GABRB1: variants seen among roughly 807,000 people sequenced by gnomAD.
The protein encoded by GABRB1 is gamma-aminobutyric acid type A receptor subunit beta1.
In GABRB1, 17 loss-of-function variants were observed where a neutral mutation model predicts 51.6. The observed-to-expected ratio is 0.33, with a 90% CI of 0.23 to 0.49. GABRB1 has a LOEUF of 0.49. Ranked by LOEUF, GABRB1 falls within the 20% of genes least tolerant of loss-of-function variation. The probability of loss-of-function intolerance (pLI) is 0.99; values close to 1 mark genes in which losing one functional copy is unlikely to be tolerated. For missense variants in GABRB1, 410 were observed against 600.6 expected (o/e 0.68, Z 3.32); for synonymous variants, 247 against 218.9 (o/e 1.13, Z -1.14).
At position 47,152,720 on chromosome 4, in the gene GABRB1, A is replaced by G. The variant is rs182875342; in HGVS notation, c.241-8529A>G. On this transcript the variant is annotated intron_variant, in intron 3 of 8. Coordinates refer to ENST00000295454, the MANE Select transcript of GABRB1 (RefSeq NM_000812.4). The stretch of plus-strand genomic sequence containing the variant: ...ATGAATTAGCCATCTTCAGCCCCCA[A>G]TCTTCAACTCTTCTTATCGTAGTCT... 1.8e-3 allele frequency among the ~76,000 whole-genome samples: 281 copies of G among 151,976 alleles called. 2 individuals carry two copies. Among genetic ancestry groups the G allele is most frequent in the African/African-American group, 5.6e-3 (232 of 41,490 alleles).
chr4:46,997,142 A>G (rs572102188), intron 1 of GABRB1, among the ~76,000 whole-genome samples: 2 of 152,224 alleles, frequency 1.3e-5, no homozygotes, highest in South Asian at 2.1e-4. Flanking sequence ...TTACCTGTAT[A>G]CCAGCCTACT....
At chr4:47,311,448 T>G (rs1403639189) in intron 4 of GABRB1, among the ~76,000 whole-genome samples, 3 of 149,960 alleles carry the variant, frequency 2.0e-5, no homozygotes, top group Non-Finnish European at 4.4e-5. Flanking sequence ...GTCGATTATC[T>G]TGGAATATCT....
intron 5 of GABRB1, among the ~76,000 whole-genome samples, chr4:47,350,247 T>G (rs1449096546): frequency 3.2e-5 from 3 of 93,576 alleles, no homozygotes; most frequent in African/African-American, 4.4e-5. Context: ...AGAGAGAGGT[T>G]TTAAGGCATT....
At chr4:47,271,121 T>G (rs1404591072) in intron 4 of GABRB1, among the ~76,000 whole-genome samples, 1 of 152,136 alleles carries the variant, frequency 6.6e-6, no homozygotes, top group Admixed American at 6.6e-5. Context: ...ATAAATAATA[T>G]AGAAAATGCA....
intron 3 of GABRB1, among the ~76,000 whole-genome samples, chr4:47,061,991 A>G (rs1726864250): frequency 1.3e-5 from 2 of 152,176 alleles, no homozygotes; most frequent in South Asian, 2.1e-4. Context: ...AAGATAGATC[A>G]GTGTCATATT....
intron 3 of GABRB1, among the ~76,000 whole-genome samples, chr4:47,055,152 G>T (rs557890243): frequency 6.6e-6 from 1 of 152,190 alleles, no homozygotes; most frequent in Non-Finnish European, 1.5e-5. Flanking sequence ...ATCAACCAGG[G>T]AAAATAAGAC....
chr4:47,296,536 A>T (rs1448658756), intron 4 of GABRB1, among the ~76,000 whole-genome samples: 1 of 152,218 alleles, frequency 6.6e-6, no homozygotes, highest in Admixed American at 6.5e-5. Context: ...TGGTAAAGGG[A>T]TCAATTCAAC....
At chr4:47,164,879 G>A (rs1390229364) in intron 4 of GABRB1, among the ~76,000 whole-genome samples, 1 of 151,996 alleles carries the variant, frequency 6.6e-6, no homozygotes, top group East Asian at 1.9e-4. Flanking sequence ...ACAGATATTC[G>A]GCCCTTGGGA....
chr4:47,209,838 T>C lies in GABRB1; in HGVS notation c.461+48369T>C, dbSNP rs571732864. On this transcript the variant is annotated intron_variant, in intron 4 of 8. Transcript: ENST00000295454. ...TGTACAGTTTGTGACTAGTAAGATA[T>C]TCAGTGGGTCAGTCTGCCTGTGTAG... Among the ~76,000 whole-genome samples, 10 of 152,264 alleles carry C rather than the reference T, an allele frequency of 6.6e-5. No individual in the cohort carries two copies. The East Asian group carries it at 1.9e-3, about 29-fold the overall frequency.
chr4:47,279,130 GGA>G (rs1723189047), intron 4 of GABRB1, among the ~76,000 whole-genome samples: 2 of 140,868 alleles, frequency 1.4e-5, no homozygotes, highest in East Asian at 2.2e-4. Flanking sequence ...ATGGATGGAT[GGA>G]TAGATGGATG....
chr4:47,084,359 CT>C lies in GABRB1; in HGVS notation c.240+51876del, dbSNP rs1020608650. Among the ~76,000 whole-genome samples the C allele has an allele frequency of 4.6e-5, 7 of 152,270 alleles. 1 individual carries two copies. Among genetic ancestry groups the C allele is most frequent in the Admixed American group, 4.6e-4 (7 of 15,288 alleles). ...CTTATCACCACAGAATGGGTTAAGCCTGGTTATTGTCTACCCTCACAAATAC... is the reference window on the plus strand; with the variant it reads ...CTTATCACCACAGAATGGGTTAAGCCGGTTATTGTCTACCCTCACAAATAC... On this transcript the variant is annotated intron_variant, in intron 3 of 8. Coordinates refer to ENST00000295454, the MANE Select transcript of GABRB1 (RefSeq NM_000812.4).
rs573751140 is a variant in GABRB1 at position 47,070,390 on chromosome 4, G to T, written c.240+37906G>T. Among the ~76,000 whole-genome samples, 4 of 151,078 alleles carry T rather than the reference G, an allele frequency of 2.6e-5. No individual in the cohort carries two copies. The South Asian group carries it at 8.4e-4, about 32-fold the overall frequency. ...CTTTTTGCCCAGGCTAGAGTGCAAT[G>T]GTGTGGTCTCACCTGACTGCAACCT... On this transcript the variant is annotated intron_variant, in intron 3 of 8. Coordinates refer to ENST00000295454, the MANE Select transcript of GABRB1 (RefSeq NM_000812.4).
chr4:47,021,791 C>T (rs533884486), intron 1 of GABRB1, among the ~76,000 whole-genome samples: 1 of 152,122 alleles, frequency 6.6e-6, no homozygotes, highest in South Asian at 2.1e-4. Flanking sequence ...TGACCCACTA[C>T]AAGTTACTTT....
At chr4:47,003,707 T>C (rs981493600) in intron 1 of GABRB1, among the ~76,000 whole-genome samples, 2 of 152,222 alleles carry the variant, frequency 1.3e-5, no homozygotes, top group African/African-American at 4.8e-5. Context: ...ATGATTTTCC[T>C]AAGTTTCTGT....
chr4:47,074,172 T>G (rs1034447248), intron 3 of GABRB1, among the ~76,000 whole-genome samples: 13 of 152,154 alleles, frequency 8.5e-5, no homozygotes, highest in African/African-American at 3.1e-4. Context: ...ATGCTTTTCA[T>G]ATAGAAAAAA....
At chr4:47,161,588 T>C in intron 4 of GABRB1, 119 bp downstream of exon 4, 1 of 740,576 alleles carries the variant, frequency 1.4e-6, no homozygotes, top group Non-Finnish European at 2.2e-6. Flanking sequence ...AAATGGGGTG[T>C]CATATACTTA....
chr4:47,090,449 C>T (rs1210489868), intron 3 of GABRB1, among the ~76,000 whole-genome samples: 1 of 152,102 alleles, frequency 6.6e-6, no homozygotes, highest in Non-Finnish European at 1.5e-5. Flanking sequence ...GAAAATCACT[C>T]AAATTTAAAC....
intron 4 of GABRB1, among the ~76,000 whole-genome samples, chr4:47,176,785 C>T (rs1718721133): frequency 6.6e-6 from 1 of 152,076 alleles, no homozygotes; most frequent in Non-Finnish European, 1.5e-5. Flanking sequence ...TAGCCTTGGA[C>T]CATTCATTCT....
intron 4 of GABRB1, among the ~76,000 whole-genome samples, chr4:47,294,221 G>A (rs1164170633): frequency 6.6e-6 from 1 of 152,146 alleles, no homozygotes; most frequent in Non-Finnish European, 1.5e-5. Flanking sequence ...GAGGTACTGG[G>A]TTCATCTCAC....
Sources: gnomAD v4.1 joint callset for allele counts (sites outside exome capture counted in the v4.1 genomes callset) on GRCh38, gnomAD v4.1.1 for gene constraint, MANE v1.5 for transcripts, NCBI Gene and HGNC (gene_info 2026-07-23, HGNC 2026-07-21) for gene names.